The following USPL1 variants were observed in gnomAD, a reference collection of about 807,000 sequenced individuals.
USPL1 encodes the protein ubiquitin specific peptidase like 1.
USPL1 carries 27 observed loss-of-function variants against 51.5 expected under a neutral mutation model. The ratio of observed to expected loss-of-function variants is 0.52; its 90% confidence interval spans 0.39 to 0.72. The LOEUF (loss-of-function observed/expected upper bound fraction) is 0.72, where lower values mean the gene tolerates loss of function less well. USPL1 is among the 30% of genes least tolerant of loss of function. USPL1 has a pLI of 0.00. For missense variants in USPL1, 1,226 were observed against 1,268.0 expected, an observed-to-expected ratio of 0.97 and a Z score of 0.50; for synonymous variants, 451 against 459.6, an observed-to-expected ratio of 0.98 and a Z score of 0.24.
intron 4 of USPL1, among the ~76,000 whole-genome samples, chr13:30,632,072 C>T (rs947835052): frequency 1.3e-5 from 2 of 151,992 alleles, no homozygotes; most frequent in Non-Finnish European, 2.9e-5. Flanking sequence ...CCCATCAACC[C>T]GTCACCTATA....
At position 30,658,904 on chromosome 13, in the gene USPL1, C is replaced by G. The variant is rs2137737523; in HGVS notation, c.2827C>G (p.Pro943Ala). 6.2e-7 allele frequency: 1 copy of G among 1,614,178 alleles called. No homozygotes were observed. The highest frequency in any genetic ancestry group is 1.1e-5 in the South Asian group (1 of 91,084). Residue 943 changes from proline to alanine, a missense_variant, in exon 9 of 9, where the codon CCA becomes GCA. Coordinates refer to ENST00000255304, the MANE Select transcript of USPL1 (RefSeq NM_005800.5). ...ESIEDLLNEL[P>A]YPIDIASESA... The stretch of plus-strand genomic sequence containing the variant: ...AATAGAGGACTTGTTAAATGAGCTA[C>G]CATATCCAATTGATATTGCCAGTGA...
At chr13:30,644,309 G>T (rs1950989027) in intron 6 of USPL1, among the ~76,000 whole-genome samples, 1 of 152,006 alleles carries the variant, frequency 6.6e-6, no homozygotes, top group Admixed American at 6.6e-5. Context: ...AAATTACTTA[G>T]ATATTCATTA....
Position 30,631,092 on chromosome 13 carries a change from A to G in USPL1, c.486A>G (p.Pro162=). 1 of 1,614,206 alleles carries G rather than the reference A, an allele frequency of 6.2e-7. No individual in the cohort carries two copies. ...CTGATAGTAGTGGTCAACAGAATCC[A>G]ATTAGGACAGCTGATTCCTTGGAGC... ...NLPDSSGQQN[P]IRTADSLERN... is the part of the protein sequence containing the mutation. The change falls in exon 4 of 9, where the codon CCA becomes CCG. Residue 162 remains proline (P), a synonymous_variant. Transcript: ENST00000255304.
In USPL1 at chr13:30,631,162, A is replaced by G. The variant is rs1395293435; in HGVS notation, c.556A>G (p.Lys186Glu). The change falls in exon 4 of 9, where the codon AAA (lysine) becomes GAA (glutamate). Residue 186 changes from lysine (K) to glutamate (E), a missense_variant. Transcript: ENST00000255304. ...EADTVDMATT[K>E]DPATVDVSGT... ...TGATACTGTTGACATGGCTACTACA[A>G]AAGATCCTGCTACAGTTGATGTCTC... 1.9e-6 allele frequency: 3 copies of G among 1,614,250 alleles called. No homozygotes were observed. The highest frequency in any genetic ancestry group is 2.2e-5 in the South Asian group (2 of 91,086).
In USPL1 at chr13:30,642,739, G is replaced by A; in HGVS notation, c.1094G>A (p.Gly365Glu). ...TGGGACTTTGAATGTTCGCAGTGTG[G>A]ACACCAATATCAAAACAGGTTAGTT... ...FSWDFECSQC[G>E]HQYQNRHMKS... The change falls in exon 6 of 9, where the codon GGA (glycine) becomes GAA (glutamate). Residue 365 changes from glycine (G) to glutamate (E), a missense_variant. By Grantham distance (98) the Gly-to-Glu change is moderately conservative. Coordinates refer to ENST00000255304, the MANE Select transcript of USPL1 (RefSeq NM_005800.5). 1 of 1,612,676 alleles carries A rather than the reference G, an allele frequency of 6.2e-7. No individual in the cohort carries two copies. The highest frequency in any genetic ancestry group is 8.5e-7 in the Non-Finnish European group (1 of 1,179,596).
intron 4 of USPL1, among the ~76,000 whole-genome samples, chr13:30,634,255 G>C (rs995029202): frequency 6.6e-6 from 1 of 152,182 alleles, no homozygotes. Flanking sequence ...AGTGTAGACA[G>C]CATGGACACA....
At chr13:30,642,895 C>A in intron 6 of USPL1, 138 bp downstream of exon 6, 1 of 997,260 alleles carries the variant, frequency 1.0e-6, no homozygotes, top group Non-Finnish European at 1.4e-6. Flanking sequence ...GTTTGATAGA[C>A]TGCTAGTAGG....
chr13:30,623,526 TG>T (rs1950671067), intron 3 of USPL1, among the ~76,000 whole-genome samples: 3 of 151,308 alleles, frequency 2.0e-5, no homozygotes, highest in Non-Finnish European at 4.4e-5. Context: ...GAATTATATT[TG>T]GTCCTTGTCT....
In USPL1 at chr13:30,627,463, G is replaced by T. The variant is rs115612253; in HGVS notation, c.229-3372G>T. Among the ~76,000 whole-genome samples, 670 of 151,932 alleles carry T rather than the reference G, an allele frequency of 4.4e-3. 5 individuals are homozygous for T. The highest frequency in any genetic ancestry group is 0.014 in the African/African-American group (575 of 41,456). ...CAGTGAAGACACTTGCGAAGAGTGTGGGTGGAAATCACTAAGTTTTGCAGT... is the reference window on the plus strand; with the variant it reads ...CAGTGAAGACACTTGCGAAGAGTGTTGGTGGAAATCACTAAGTTTTGCAGT... On this transcript the variant is annotated intron_variant, in intron 3 of 8. Transcript: ENST00000255304.
chr13:30,628,014 C>G (rs924018894), intron 3 of USPL1, among the ~76,000 whole-genome samples: 2 of 149,742 alleles, frequency 1.3e-5, no homozygotes, highest in African/African-American at 4.9e-5. Context: ...GTAGCTGGGA[C>G]TACAGGGGTG....
intron 3 of USPL1, among the ~76,000 whole-genome samples, chr13:30,625,645 T>A (rs1950705456): frequency 1.3e-5 from 2 of 151,802 alleles, no homozygotes; most frequent in African/African-American, 4.8e-5. Context: ...GGGGTTTCAC[T>A]ATGGCCAGGA....
At chr13:30,652,823 T>C (rs1239495794) in intron 7 of USPL1, among the ~76,000 whole-genome samples, 1 of 152,256 alleles carries the variant, frequency 6.6e-6, no homozygotes, top group African/African-American at 2.4e-5. Flanking sequence ...CCTTGGATTT[T>C]ACAAAGTAGC....
At chr13:30,629,745 A>G (rs1327760682) in intron 3 of USPL1, among the ~76,000 whole-genome samples, 1 of 152,110 alleles carries the variant, frequency 6.6e-6, no homozygotes, top group Non-Finnish European at 1.5e-5. Context: ...TTCCAGAAGA[A>G]GGGCTTGTCC....
chr13:30,653,111 A>C (rs1284740844), intron 7 of USPL1, 37 bp from the exon 8 acceptor site: 2 of 1,539,824 alleles, frequency 1.3e-6, no homozygotes, highest in Non-Finnish European at 1.8e-6. Context: ...ACATGGCATT[A>C]AATTTATTTA....
At position 30,657,937 on chromosome 13, in the gene USPL1, C is replaced by T. The variant is rs760492784; in HGVS notation, c.1860C>T (p.Leu620=). The T allele has an allele frequency of 7.1e-5, 115 of 1,613,636 alleles. No individual in the cohort carries two copies. Among genetic ancestry groups the T allele is most frequent in the Non-Finnish European group, 8.7e-5 (103 of 1,180,036 alleles). ...CTGTAGCAGAAAATACAGGAATTCT[C>T]AAAACCAATACTTTGCTATCACAAG... ...NKPVAENTGI[L]KTNTLLSQES... Residue 620 remains leucine, a synonymous_variant, in exon 9 of 9, where the codon CTC becomes CTT. Transcript: ENST00000255304.
chr13:30,651,156 G>T (rs1024040795), intron 7 of USPL1, among the ~76,000 whole-genome samples: 1 of 152,154 alleles, frequency 6.6e-6, no homozygotes, highest in Non-Finnish European at 1.5e-5. Context: ...GATAGCTTTG[G>T]TGTACTGGTC....
At chr13:30,626,229 G>A (rs118191993) in intron 3 of USPL1, among the ~76,000 whole-genome samples, 40 of 152,124 alleles carry the variant, frequency 2.6e-4, no homozygotes, top group Non-Finnish European at 4.4e-4. Flanking sequence ...CAGGAGAGTC[G>A]CTTGAAGCCA....
intron 7 of USPL1, among the ~76,000 whole-genome samples, chr13:30,648,260 G>C (rs562040544): frequency 2.0e-5 from 3 of 152,194 alleles, no homozygotes; most frequent in African/African-American, 7.2e-5. Context: ...TGTACTGTGA[G>C]TTTTTGCCAA....
In USPL1 at chr13:30,659,645, T is replaced by C. The variant is rs1439342483; in HGVS notation, c.*289T>C. ...GTCTAGTTTCTGACAGTTTGTACAG[T>C]TGGATGCATTACATTTTTAGATTTG... On this transcript the variant is annotated 3_prime_UTR_variant, in exon 9 of 9. Transcript: ENST00000255304. The C allele has an allele frequency of 3.7e-6, 1 of 269,182 alleles. No individual in the cohort carries two copies. The highest frequency in any genetic ancestry group is 6.9e-6 in the Non-Finnish European group (1 of 145,462). 16.7% of individuals were successfully genotyped at this position (269,182 alleles called of 1,614,324 possible).
Sources: gnomAD v4.1 joint callset for allele counts (sites outside exome capture counted in the v4.1 genomes callset) on GRCh38, gnomAD v4.1.1 for gene constraint, MANE v1.5 for transcripts, NCBI Gene and HGNC (gene_info 2026-07-23, HGNC 2026-07-21) for gene names.